The following PTPRO variants were observed in gnomAD, a reference collection of about 807,000 sequenced individuals.
PTPRO encodes the protein protein tyrosine phosphatase receptor type O.
In PTPRO, 62 loss-of-function variants were observed where a neutral mutation model predicts 145.2. The ratio of observed to expected loss-of-function variants is 0.43; its 90% confidence interval spans 0.35 to 0.53. The LOEUF (loss-of-function observed/expected upper bound fraction) is 0.53, where lower values mean the gene tolerates loss of function less well. PTPRO is among the 20% of genes least tolerant of loss of function. PTPRO has a pLI of 0.01. For missense variants in PTPRO, 1,345 were observed against 1,482.7 expected, an observed-to-expected ratio of 0.91 and a Z score of 1.53; for synonymous variants, 565 against 514.7, an observed-to-expected ratio of 1.10 and a Z score of -1.32.
chr12:15,472,788 A>G (rs1941571240), intron 1 of PTPRO, among the ~76,000 whole-genome samples: 2 of 152,204 alleles, frequency 1.3e-5, no homozygotes, highest in South Asian at 4.1e-4. Context: ...GAGCCTTTGG[A>G]TGAGTGTGAC....
At chr12:15,395,821 A>T (rs1269500073) in intron 1 of PTPRO, among the ~76,000 whole-genome samples, 1 of 151,822 alleles carries the variant, frequency 6.6e-6, no homozygotes, top group Non-Finnish European at 1.5e-5. Context: ...ACACACACAC[A>T]CACACACACA....
intron 1 of PTPRO, among the ~76,000 whole-genome samples, chr12:15,400,879 T>G (rs1298267541): frequency 1.3e-5 from 2 of 152,350 alleles, no homozygotes; most frequent in East Asian, 3.9e-4. Context: ...TCTTATTCAC[T>G]GATGCATCCC....
chr12:15,450,324 C>T (rs574921570), intron 1 of PTPRO, among the ~76,000 whole-genome samples: 54 of 152,272 alleles, frequency 3.5e-4, no homozygotes, highest in African/African-American at 1.0e-3. Flanking sequence ...CTTAAGGAAA[C>T]GACTCTTTCC....
chr12:15,509,695 A>G (rs9668538), intron 7 of PTPRO, among the ~76,000 whole-genome samples: 1 of 31,270 alleles, frequency 3.2e-5, no homozygotes, highest in African/African-American at 7.3e-5. Context: ...TCAAAAAAAA[A>G]GAAAAAAAAA....
At chr12:15,587,095 T>C in intron 24 of PTPRO, 44 bp downstream of exon 24, 2 of 1,609,084 alleles carry the variant, frequency 1.2e-6, no homozygotes, top group Non-Finnish European at 1.7e-6. Context: ...TAGGAGTTGG[T>C]TTTGTAAGGG....
chr12:15,457,796 A>G (rs1941213871), intron 1 of PTPRO, among the ~76,000 whole-genome samples: 1 of 152,096 alleles, frequency 6.6e-6, no homozygotes, highest in Non-Finnish European at 1.5e-5. Context: ...ACATGTTTTT[A>G]TATTATGTAT....
At chr12:15,553,179 A>G (rs12319900) in intron 15 of PTPRO, among the ~76,000 whole-genome samples, 3,990 of 152,228 alleles carry the variant, frequency 0.026, 165 homozygotes, top group African/African-American at 0.088. Flanking sequence ...TATTACAAAT[A>G]TTGCTACATA....
In PTPRO at chr12:15,526,182, C is replaced by T; in HGVS notation, c.2084C>T (p.Pro695Leu). The T allele has an allele frequency of 6.2e-7, 1 of 1,613,936 alleles. No individual in the cohort carries two copies. The highest frequency in any genetic ancestry group is 1.1e-5 in the South Asian group (1 of 91,076). Residue 695 changes from proline (P) to leucine (L), a missense_variant, in exon 12 of 27, where the codon CCA becomes CTA. Pro to Leu is a moderately conservative substitution (Grantham distance 98). Around this residue, in one of 3 missense-constraint regions of PTPRO, gnomAD observed 1,130 missense variants for 1,214.7 expected, o/e 0.93. Transcript: ENST00000281171. ...ATGACTGCAATTCTCAGCTTGCCTC[C>T]AGGCGACATCTATAACCTCTCAGTA... ...NVMTAILSLP[P>L]GDIYNLSVTA...
intron 23 of PTPRO, among the ~76,000 whole-genome samples, chr12:15,586,568 G>GCA (rs1944434036): frequency 6.6e-6 from 1 of 152,202 alleles, no homozygotes; most frequent in Admixed American, 6.5e-5. Context: ...GGCACCAACA[G>GCA]CACTTTCTAC....
chr12:15,420,071 CG>C (rs1422631141), intron 1 of PTPRO, among the ~76,000 whole-genome samples: 1 of 145,762 alleles, frequency 6.9e-6, no homozygotes, highest in African/African-American at 2.6e-5. Flanking sequence ...GGTGTGAAAC[CG>C]GGAGGCGGAG....
intron 1 of PTPRO, among the ~76,000 whole-genome samples, chr12:15,334,038 T>C (rs1294353874): frequency 1.3e-5 from 2 of 150,992 alleles, no homozygotes; most frequent in African/African-American, 2.4e-5. Context: ...AAATAGAAAC[T>C]TAATGTGTAA....
At chr12:15,536,314 T>C (rs1943064554) in intron 12 of PTPRO, among the ~76,000 whole-genome samples, 1 of 152,122 alleles carries the variant, frequency 6.6e-6, no homozygotes, top group Admixed American at 6.5e-5. Context: ...GTAGAGTAAG[T>C]GTCACTGTGA....
intron 16 of PTPRO, among the ~76,000 whole-genome samples, chr12:15,557,890 G>A (rs553776974): frequency 1.3e-5 from 2 of 151,888 alleles, no homozygotes; most frequent in African/African-American, 4.8e-5. Context: ...GCGACAGATC[G>A]GCTTCTCCAT....
At chr12:15,536,429 A>G (rs912054760) in intron 12 of PTPRO, among the ~76,000 whole-genome samples, 31 of 152,170 alleles carry the variant, frequency 2.0e-4, no homozygotes, top group Non-Finnish European at 3.8e-4. Flanking sequence ...CCAGCTATGG[A>G]AGCATAGTGT....
intron 1 of PTPRO, among the ~76,000 whole-genome samples, chr12:15,350,118 A>T (rs1180058189): frequency 1.3e-5 from 2 of 152,208 alleles, no homozygotes; most frequent in East Asian, 3.8e-4. Context: ...CCCTTCATAT[A>T]TAAATGTTGG....
At chr12:15,464,001 T>C (rs926503200) in intron 1 of PTPRO, among the ~76,000 whole-genome samples, 1 of 152,194 alleles carries the variant, frequency 6.6e-6, no homozygotes, top group African/African-American at 2.4e-5. Flanking sequence ...TGCTGTATAC[T>C]GTGATAGATG....
At chr12:15,367,424 G>A (rs1159588149) in intron 1 of PTPRO, among the ~76,000 whole-genome samples, 1 of 152,172 alleles carries the variant, frequency 6.6e-6, no homozygotes, top group Non-Finnish European at 1.5e-5. Flanking sequence ...ATAGAATCTT[G>A]AGAAGAATAA....
At chr12:15,483,372 T>A (rs1941820346) in intron 1 of PTPRO, among the ~76,000 whole-genome samples, 1 of 152,150 alleles carries the variant, frequency 6.6e-6, no homozygotes, top group East Asian at 1.9e-4. Context: ...CACCAGCAGA[T>A]CCTCCATCTG....
At chr12:15,410,504 A>C (rs1016993465) in intron 1 of PTPRO, 3 of 151,654 alleles carry the variant, frequency 2.0e-5, no homozygotes, top group African/African-American at 7.3e-5. Context: ...AGGCCTTGAG[A>C]TTTAGCCTGG....
Sources: allele counts gnomAD v4.1 joint callset (sites outside exome capture counted in the v4.1 genomes callset), GRCh38; gene constraint gnomAD v4.1.1; regional missense constraint gnomAD v4.1.1; transcripts MANE v1.5; gene names NCBI Gene and HGNC (gene_info 2026-07-23, HGNC 2026-07-21).